ARSJ: variants seen among roughly 807,000 people sequenced by gnomAD.
ARSJ encodes the protein arylsulfatase family member J.
ARSJ carries 26 observed loss-of-function variants against 35.9 expected under a neutral mutation model. That is an observed-to-expected ratio of 0.72 (90% CI 0.53 to 1.00). The LOEUF is 1.00. ARSJ is among the 50% of genes least tolerant of loss of function. The pLI, the probability that ARSJ is intolerant of heterozygous loss-of-function variation, is 0.00. For missense variants in ARSJ, 667 were observed against 723.6 expected (o/e 0.92, Z 0.90); for synonymous variants, 294 against 267.6 (o/e 1.10, Z -0.96).
At chr4:113,907,785 C>T (rs2099669218) in intron 1 of ARSJ, among the ~76,000 whole-genome samples, 1 of 152,094 alleles carries the variant, frequency 6.6e-6, no homozygotes. Flanking sequence ...ATGTCCTTTG[C>T]AGTAATATGG....
intron 1 of ARSJ, among the ~76,000 whole-genome samples, chr4:113,972,293 G>GA (rs750176630): frequency 0.083 from 5,030 of 60,966 alleles, 351 homozygotes; most frequent in East Asian, 0.27. Context: ...AGATGATCTG[G>GA]AAAAAAAAAA....
intron 1 of ARSJ, among the ~76,000 whole-genome samples, chr4:113,926,103 C>T (rs1724041438): frequency 6.6e-6 from 1 of 152,172 alleles, no homozygotes; most frequent in South Asian, 2.1e-4. Flanking sequence ...TATTAAAATC[C>T]TCCTCTGCTG....
chr4:113,902,930 G>A lies in ARSJ; in HGVS notation c.1144C>T (p.Pro382Ser). The change falls in exon 2 of 2, where the codon CCC (proline) becomes TCC (serine). Residue 382 changes from proline to serine, a missense_variant. Pro to Ser is a moderately conservative substitution (Grantham distance 74). Coordinates refer to ENST00000315366, the MANE Select transcript of ARSJ (RefSeq NM_024590.4). Reference protein sequence around the residue: ...KELVHITDWYPTLISLAEGQI... With the variant: ...KELVHITDWYSTLISLAEGQI... ...CCTTCAGCCAGTGAAATGAGAGTGG[G>A]GTACCAGTCAGTGATGTGCACAAGT... 6.2e-7 allele frequency: 1 copy of A among 1,614,104 alleles called. No homozygotes were observed. The highest frequency in any genetic ancestry group is 8.5e-7 in the Non-Finnish European group (1 of 1,180,016).
intron 1 of ARSJ, among the ~76,000 whole-genome samples, chr4:113,926,001 C>T (rs1411860631): frequency 1.3e-5 from 2 of 152,108 alleles, no homozygotes; most frequent in Non-Finnish European, 2.9e-5. Context: ...CCACCATGGC[C>T]ACTTTGTTCA....
chr4:113,971,160 A>G (rs1190384283), intron 1 of ARSJ, among the ~76,000 whole-genome samples: 1 of 152,144 alleles, frequency 6.6e-6, no homozygotes, highest in African/African-American at 2.4e-5. Flanking sequence ...AAAGTCTTAC[A>G]AAAAAGATGA....
intron 1 of ARSJ, among the ~76,000 whole-genome samples, chr4:113,939,385 C>T (rs1462673681): frequency 1.3e-5 from 2 of 151,290 alleles, no homozygotes; most frequent in Non-Finnish European, 2.9e-5. Flanking sequence ...GTGCATGTGT[C>T]TTTATAGCAG....
chr4:113,918,819 G>C (rs1263194957), intron 1 of ARSJ, among the ~76,000 whole-genome samples: 1 of 151,982 alleles, frequency 6.6e-6, no homozygotes, highest in East Asian at 1.9e-4. Context: ...TTGAGACAGG[G>C]TCTCATTCTG....
intron 1 of ARSJ, among the ~76,000 whole-genome samples, chr4:113,934,263 C>T (rs984037477): frequency 6.6e-6 from 1 of 151,650 alleles, no homozygotes; most frequent in Admixed American, 6.6e-5. Flanking sequence ...GGTGTATACT[C>T]AATATATTGA....
chr4:113,945,598 A>AT (rs961557970), intron 1 of ARSJ, among the ~76,000 whole-genome samples: 27 of 151,660 alleles, frequency 1.8e-4, no homozygotes, highest in African/African-American at 5.6e-4. Context: ...CTATAGGGGA[A>AT]TTTTTTTTTG....
chr4:113,906,956 C>T (rs188032803), intron 1 of ARSJ, among the ~76,000 whole-genome samples: 2 of 152,228 alleles, frequency 1.3e-5, no homozygotes, highest in Non-Finnish European at 1.5e-5. Context: ...AGTGAGAAGT[C>T]AGATTTTTTA....
At chr4:113,921,031 G>C (rs978668971) in intron 1 of ARSJ, among the ~76,000 whole-genome samples, 1 of 150,974 alleles carries the variant, frequency 6.6e-6, no homozygotes, top group Non-Finnish European at 1.5e-5. Context: ...AGTTGATTTA[G>C]ATTCATCCAA....
intron 1 of ARSJ, among the ~76,000 whole-genome samples, chr4:113,945,657 C>T (rs887986553): frequency 2.6e-5 from 4 of 152,018 alleles, no homozygotes; most frequent in Admixed American, 2.6e-4. Context: ...TCTGAGAAAA[C>T]CAGCTTAACT....
chr4:113,932,776 A>G (rs962844455), intron 1 of ARSJ, among the ~76,000 whole-genome samples: 1 of 152,066 alleles, frequency 6.6e-6, no homozygotes, highest in Non-Finnish European at 1.5e-5. Context: ...TCAAATAAGC[A>G]ATCTACTGAT....
At position 113,978,574 on chromosome 4, in the gene ARSJ, T is replaced by C. The variant is rs1727736369; in HGVS notation, c.261A>G (p.Gly87=). The C allele has an allele frequency of 3.1e-6, 5 of 1,614,220 alleles. No homozygotes were observed. The highest frequency in any genetic ancestry group is 4.2e-6 in the Non-Finnish European group (5 of 1,180,040). Residue 87 remains glycine (G), a synonymous_variant, in exon 1 of 2, where the codon GGA becomes GGG. Transcript: ENST00000315366. ...ATCCGTGGTAACCCACATCTCTAAATCCCTGATCATCCGCTAGGATGAAAA... is the reference window on the plus strand; with the variant it reads ...ATCCGTGGTAACCCACATCTCTAAACCCCTGATCATCCGCTAGGATGAAAA... ...HLIFILADDQ[G]FRDVGYHGSE...
intron 1 of ARSJ, among the ~76,000 whole-genome samples, chr4:113,943,791 G>A (rs2149271012): frequency 6.6e-6 from 1 of 152,018 alleles, no homozygotes; most frequent in African/African-American, 2.4e-5. Flanking sequence ...TAGACATAAG[G>A]ATCCTGAGCT....
intron 1 of ARSJ, among the ~76,000 whole-genome samples, chr4:113,907,982 C>T (rs1462217840): frequency 1.3e-5 from 2 of 152,102 alleles, no homozygotes; most frequent in African/African-American, 4.8e-5. Flanking sequence ...AACTACCCAT[C>T]GGGTAGTATG....
At chr4:113,915,192 A>G (rs1348021493) in intron 1 of ARSJ, among the ~76,000 whole-genome samples, 1 of 152,156 alleles carries the variant, frequency 6.6e-6, no homozygotes, top group Non-Finnish European at 1.5e-5. Context: ...CTTGTAATCT[A>G]TCTGTGACTT....
chr4:113,978,300 C>T, intron 1 of ARSJ, 137 bp downstream of exon 1: 1 of 817,436 alleles, frequency 1.2e-6, no homozygotes, highest in Admixed American at 2.7e-5. Context: ...TACCCCAATA[C>T]CATACATCAT....
chr4:113,953,757 C>T (rs2149276529), intron 1 of ARSJ, among the ~76,000 whole-genome samples: 1 of 152,014 alleles, frequency 6.6e-6, no homozygotes, highest in Admixed American at 6.6e-5. Context: ...TAAATGAATT[C>T]AGGGATAAAA....
Sources: allele counts gnomAD v4.1 joint callset (sites outside exome capture counted in the v4.1 genomes callset), GRCh38; gene constraint gnomAD v4.1.1; transcripts MANE v1.5; gene names NCBI Gene and HGNC (gene_info 2026-07-23, HGNC 2026-07-21).